The following CACNA1B variants were observed in gnomAD, a reference collection of about 807,000 sequenced individuals.
CACNA1B encodes the protein calcium voltage-gated channel subunit alpha1 B, also known as voltage-dependent N-type calcium channel subunit alpha-1B.
Under a neutral mutation model 247.2 loss-of-function variants are expected in CACNA1B, and 70 were observed. The observed-to-expected ratio is 0.28, with a 90% CI of 0.23 to 0.35. The LOEUF (loss-of-function observed/expected upper bound fraction) is 0.35, where lower values mean the gene tolerates loss of function less well. CACNA1B is among the 10% of genes least tolerant of loss of function. The pLI, the probability that CACNA1B is intolerant of heterozygous loss-of-function variation, is 1.00. For synonymous variants in CACNA1B, 1,231 were observed against 1,294.4 expected (o/e 0.95, Z 1.05); for missense variants, 2,367 against 3,197.4 (o/e 0.74, Z 6.26).
At chr9:137,968,633 G>A (rs1236039073) in intron 10 of CACNA1B, among the ~76,000 whole-genome samples, 4 of 152,364 alleles carry the variant, frequency 2.6e-5, no homozygotes, top group Non-Finnish European at 5.9e-5. Context: ...CTCTAGAAGG[G>A]TTATTGAGAA....
At chr9:137,905,222 A>G (rs367849054) in intron 3 of CACNA1B, among the ~76,000 whole-genome samples, 343 of 152,154 alleles carry the variant, frequency 2.3e-3, no homozygotes, top group South Asian at 0.012. Context: ...GTGTGGTGGC[A>G]CGTGCCTGTA....
chr9:137,969,729 T>G (rs756740913), intron 10 of CACNA1B, among the ~76,000 whole-genome samples: 6 of 152,212 alleles, frequency 3.9e-5, no homozygotes, highest in African/African-American at 7.2e-5. Context: ...GGATGTGTGC[T>G]GTGAAGCATG....
intron 20 of CACNA1B, among the ~76,000 whole-genome samples, chr9:138,026,266 G>A (rs1236727716): frequency 2.0e-5 from 3 of 152,158 alleles, no homozygotes; most frequent in Non-Finnish European, 1.5e-5. Flanking sequence ...TTGGAGGAAA[G>A]TTGCCCTTGG....
intron 31 of CACNA1B, among the ~76,000 whole-genome samples, chr9:138,069,165 T>A (rs1960033989): frequency 6.6e-6 from 1 of 152,160 alleles, no homozygotes; most frequent in Admixed American, 6.5e-5. Flanking sequence ...CTGGTGGTGC[T>A]TTGTTTTGTT....
intron 22 of CACNA1B, 24 bp from the exon 23 acceptor site, chr9:138,047,375 G>T: frequency 6.3e-7 from 1 of 1,586,852 alleles, no homozygotes; most frequent in Non-Finnish European, 8.7e-7. Flanking sequence ...CAGCCTTTGA[G>T]AATAACCTTC....
At chr9:138,029,109 G>A (rs7045752) in intron 20 of CACNA1B, among the ~76,000 whole-genome samples, 6,155 of 152,176 alleles carry the variant, frequency 0.04, 390 homozygotes, top group African/African-American at 0.14. Context: ...TAACATAAAT[G>A]TCAGCCAGAA....
At chr9:137,993,368 A>AATTTTTGTCTATCTAGATAGATTAT (rs1348403460) in intron 15 of CACNA1B, among the ~76,000 whole-genome samples, 10 of 151,958 alleles carry the variant, frequency 6.6e-5, no homozygotes, top group African/African-American at 2.4e-4. Context: ...AGATAGATTA[A>AATTTTTGTCTATCTAGATAGATTAT]ATTTTTATTT....
At chr9:138,091,207 A>G (rs1353134935) in intron 36 of CACNA1B, among the ~76,000 whole-genome samples, 1 of 152,236 alleles carries the variant, frequency 6.6e-6, no homozygotes, top group African/African-American at 2.4e-5. Flanking sequence ...ATTTAGCCAT[A>G]AAAAGAATGA....
At chr9:138,117,380 G>A (rs1387844216) in intron 42 of CACNA1B, among the ~76,000 whole-genome samples, 1 of 152,138 alleles carries the variant, frequency 6.6e-6, no homozygotes, top group East Asian at 1.9e-4. Flanking sequence ...CCCGGGCGAG[G>A]CCCCCTACCC....
At chr9:138,044,200 A>G (rs1199689867) in intron 21 of CACNA1B, among the ~76,000 whole-genome samples, 1 of 152,228 alleles carries the variant, frequency 6.6e-6, no homozygotes, top group African/African-American at 2.4e-5. Flanking sequence ...TCGCAAACAC[A>G]CTTCCATCCA....
At chr9:138,030,514 T>C (rs543684229) in intron 20 of CACNA1B, among the ~76,000 whole-genome samples, 1 of 152,300 alleles carries the variant, frequency 6.6e-6, no homozygotes, top group Non-Finnish European at 1.5e-5. Flanking sequence ...TGCGTCTGTA[T>C]TCATGAGGGA....
rs770139151 is a variant in CACNA1B, at chr9:137,971,545, T to G, written c.1496T>G (p.Val499Gly). The change falls in exon 11 of 47, where the codon GTG (valine) becomes GGG (glycine). Residue 499 changes from valine to glycine, a missense_variant. This residue lies in a region of CACNA1B where 219 missense variants were observed against 297.6 expected (regional missense o/e 0.74). Coordinates refer to ENST00000371372, the MANE Select transcript of CACNA1B (RefSeq NM_000718.4). The surrounding 1 kb of genome is among the most constrained non-coding windows in gnomAD (Gnocchi z 4.4). ...LCVVALNTLC[V>G]AMVHYNQPRR... The stretch of plus-strand genomic sequence containing the variant: ...GTGGTGGCCCTGAACACACTGTGTG[T>G]GGCCATGGTGCATTACAACCAGCCG... The G allele has an allele frequency of 3.1e-6, 5 of 1,613,802 alleles. No individual in the cohort carries two copies. The highest frequency in any genetic ancestry group is 4.2e-6 in the Non-Finnish European group (5 of 1,179,800).
At chr9:138,028,426 A>G (rs1193436367) in intron 20 of CACNA1B, among the ~76,000 whole-genome samples, 1 of 152,260 alleles carries the variant, frequency 6.6e-6, no homozygotes, top group African/African-American at 2.4e-5. Flanking sequence ...GAAAACTAAT[A>G]AACAGTCATA....
chr9:138,095,095 G>GA, intron 36 of CACNA1B, among the ~76,000 whole-genome samples: 1 of 152,164 alleles, frequency 6.6e-6, no homozygotes, highest in South Asian at 2.1e-4. Context: ...AGCAACCAAA[G>GA]AAAAAATAGA....
rs926790900 is a variant in CACNA1B at position 137,881,432 on chromosome 9, G to A, written c.391-1312G>A. 3.3e-5 allele frequency among the ~76,000 whole-genome samples: 5 copies of A among 152,166 alleles called. No homozygotes were observed. Among genetic ancestry groups the A allele is most frequent in the African/African-American group, 7.2e-5 (3 of 41,438 alleles). On this transcript the variant is annotated intron_variant, in intron 2 of 46. Transcript: ENST00000371372. This position sits in a 1 kb window ranked among gnomAD's most constrained non-coding sequence, Gnocchi z 4.3. The stretch of plus-strand genomic sequence containing the variant: ...TCCTGGGGAGGAAGGCACAGGCTGT[G>A]GAACTGGTGGCACTCACCTCACCTG...
At position 138,020,268 on chromosome 9, in the gene CACNA1B, G is replaced by A. The variant is rs1958828082; in HGVS notation, c.2268-2743G>A. Among the ~76,000 whole-genome samples the A allele has an allele frequency of 6.6e-6, 1 of 152,150 alleles. No individual in the cohort carries two copies. The highest frequency in any genetic ancestry group is 2.1e-4 in the South Asian group (1 of 4,826). ...CTGTAGTTCCCCACAGCACCCAGCTGAGCATGGCTGAGCCCTCCTCCCTGG... is the reference window on the plus strand; with the variant it reads ...CTGTAGTTCCCCACAGCACCCAGCTAAGCATGGCTGAGCCCTCCTCCCTGG... On this transcript the variant is annotated intron_variant, in intron 18 of 46. Transcript: ENST00000371372. This position sits in a 1 kb window ranked among gnomAD's most constrained non-coding sequence, Gnocchi z 4.1.
intron 3 of CACNA1B, among the ~76,000 whole-genome samples, chr9:137,886,012 G>A (rs536822209): frequency 2.0e-5 from 3 of 151,858 alleles, no homozygotes; most frequent in African/African-American, 4.8e-5. Context: ...CGCTTGGGCC[G>A]GGGTGAGGTC....
At chr9:137,945,608 ATC>A (rs1320319094) in intron 6 of CACNA1B, among the ~76,000 whole-genome samples, 1 of 152,240 alleles carries the variant, frequency 6.6e-6, no homozygotes, top group African/African-American at 2.4e-5. Flanking sequence ...CATACACAGA[ATC>A]TCTTTTACAA....
intron 36 of CACNA1B, among the ~76,000 whole-genome samples, chr9:138,093,525 G>A (rs1201710952): frequency 1.3e-5 from 2 of 151,758 alleles, no homozygotes; most frequent in Non-Finnish European, 2.9e-5. Flanking sequence ...CAGATCAGTT[G>A]AGGCCAGGAG....
Sources: allele counts gnomAD v4.1 joint callset (sites outside exome capture counted in the v4.1 genomes callset), GRCh38; gene constraint gnomAD v4.1.1; regional missense constraint gnomAD v4.1.1; non-coding constraint Gnocchi (gnomAD v3.1); transcripts MANE v1.5; gene names NCBI Gene and HGNC (gene_info 2026-07-23, HGNC 2026-07-21).